TECPR2: variants seen among roughly 807,000 people sequenced by gnomAD.
TECPR2 encodes the protein tectonin beta-propeller repeat-containing protein 2.
Under a neutral mutation model 138.1 loss-of-function variants are expected in TECPR2, and 65 were observed. The ratio of observed to expected loss-of-function variants is 0.47; its 90% CI spans 0.39 to 0.58. The LOEUF is 0.58. TECPR2 is among the 20% of genes least tolerant of loss of function. The probability of loss-of-function intolerance (pLI) is 0.00; values close to 1 mark genes in which losing one functional copy is unlikely to be tolerated. For synonymous variants in TECPR2, 746 were observed against 749.8 expected (o/e 0.99, Z 0.08); for missense variants, 1,553 against 1,824.5 (o/e 0.85, Z 2.71).
chr14:102,444,337 T>G (rs1483118472), intron 12 of TECPR2, among the ~76,000 whole-genome samples: 1 of 151,874 alleles, frequency 6.6e-6, no homozygotes, highest in South Asian at 2.1e-4. Context: ...GGACTACAGA[T>G]GCATGCCACC....
At chr14:102,497,830 A>C in intron 19 of TECPR2, 111 bp downstream of exon 19, 8 of 1,355,368 alleles carry the variant, frequency 5.9e-6, no homozygotes, top group African/African-American at 1.5e-5. Flanking sequence ...CAATCTCTCA[A>C]AGCAAGAACT....
At chr14:102,444,420 G>A (rs1371321090) in intron 12 of TECPR2, among the ~76,000 whole-genome samples, 1 of 151,790 alleles carries the variant, frequency 6.6e-6, no homozygotes, top group Non-Finnish European at 1.5e-5. Flanking sequence ...GACTCATCTC[G>A]AACTCTTGGG....
intron 18 of TECPR2, 106 bp from the exon 19 acceptor site, chr14:102,497,464 C>G: frequency 7.3e-7 from 1 of 1,372,818 alleles, no homozygotes; most frequent in Non-Finnish European, 9.5e-7. Flanking sequence ...ACTCCGTCCC[C>G]GCAGGGACCC....
At chr14:102,450,830 C>G (rs1890121401) in intron 15 of TECPR2, among the ~76,000 whole-genome samples, 181 bp downstream of exon 15, 1 of 152,156 alleles carries the variant, frequency 6.6e-6, no homozygotes, top group Non-Finnish European at 1.5e-5. Flanking sequence ...TCGGGATAGG[C>G]CTGACCAGGA....
At chr14:102,494,841 A>G (rs1432473906) in intron 17 of TECPR2, among the ~76,000 whole-genome samples, 1 of 151,410 alleles carries the variant, frequency 6.6e-6, no homozygotes, top group Non-Finnish European at 1.5e-5. Context: ...AAAAAAAAAA[A>G]ACTAAACTAG....
chr14:102,479,875 T>C (rs1890848347), intron 17 of TECPR2, among the ~76,000 whole-genome samples: 1 of 152,242 alleles, frequency 6.6e-6, no homozygotes, highest in South Asian at 2.1e-4. Context: ...ATTGGGCAGA[T>C]GGCATGTGGC....
rs1889820460 is a variant in TECPR2, at chr14:102,441,195, C to T, written c.2752+586C>T. Among the ~76,000 whole-genome samples, 3 of 152,258 alleles carry T rather than the reference C, an allele frequency of 2.0e-5. No homozygotes were observed. In the South Asian group the frequency reaches 6.2e-4, roughly 32 times the overall value. On this transcript the variant is annotated intron_variant, in intron 11 of 19. Coordinates refer to ENST00000359520, the MANE Select transcript of TECPR2 (RefSeq NM_014844.5). ...TCCTCCTGCCTCAGCTTCCTGATCA[C>T]AGGCTGGGATTACAGGTGCCCATCA...
In TECPR2 at chr14:102,419,230, G is replaced by A. The variant is rs1486006073; in HGVS notation, c.638+4437G>A. Among the ~76,000 whole-genome samples the A allele has an allele frequency of 5.3e-5, 8 of 152,092 alleles. No homozygotes were observed. Among genetic ancestry groups the A allele is most frequent in the Non-Finnish European group, 1.0e-4 (7 of 68,032 alleles). ...CGAGACCGGGGGCTGAGGCAGCTTCGACGGGCCTGAGTCTGTAGCATGGAG... is the reference window on the plus strand; with the variant it reads ...CGAGACCGGGGGCTGAGGCAGCTTCAACGGGCCTGAGTCTGTAGCATGGAG... On this transcript the variant is annotated intron_variant, in intron 5 of 19. Coordinates refer to ENST00000359520, the MANE Select transcript of TECPR2 (RefSeq NM_014844.5). This position sits in a 1 kb window ranked among gnomAD's most constrained non-coding sequence, Gnocchi z 4.8.
chr14:102,382,400 G>A (rs1020986346), intron 2 of TECPR2, among the ~76,000 whole-genome samples: 3 of 152,214 alleles, frequency 2.0e-5, no homozygotes, highest in East Asian at 1.9e-4. Flanking sequence ...TAACAGATTC[G>A]TATATGTCCC....
intron 17 of TECPR2, among the ~76,000 whole-genome samples, chr14:102,476,528 A>G (rs908626767): frequency 3.9e-5 from 6 of 152,224 alleles, no homozygotes; most frequent in Non-Finnish European, 7.3e-5. Flanking sequence ...CAGCAGTGAA[A>G]AACCATCCAC....
Position 102,414,653 on chromosome 14 carries a change from G to A in TECPR2, c.498G>A (p.Gln166=). ...LDLDQGLCNS[Q]LVLEEPSSIV... ...TCTGCCAGGGGCTCTGTAACTCCCA[G>A]CTGGTGTTGGAGGAGCCATCTTCCA... Residue 166 remains glutamine, a synonymous_variant, in exon 5 of 20, where the codon CAG becomes CAA. Transcript: ENST00000359520. 6.2e-7 allele frequency: 1 copy of A among 1,614,232 alleles called. No homozygotes were observed. Among genetic ancestry groups the A allele is most frequent in the Non-Finnish European group, 8.5e-7 (1 of 1,180,044 alleles).
rs750403022 is a variant in TECPR2, at chr14:102,498,848, C to T, written c.*591C>T. 5.8e-5 allele frequency: 37 copies of T among 633,274 alleles called. No individual in the cohort carries two copies. Among genetic ancestry groups the T allele is most frequent in the African/African-American group, 1.3e-4 (7 of 55,980 alleles). The allele number at this position is 633,274 out of a possible 1,614,324, so 39.2% of individuals were successfully genotyped here. ...GCTGGCCATGCCAGGAGAGAACCCA[C>T]GCACATGCACACCACAACACACAAC... On this transcript the variant is annotated 3_prime_UTR_variant, in exon 20 of 20. Transcript: ENST00000359520.
intron 16 of TECPR2, among the ~76,000 whole-genome samples, chr14:102,455,873 A>G (rs1322308745): frequency 6.6e-6 from 1 of 152,172 alleles, no homozygotes; most frequent in African/African-American, 2.4e-5. Flanking sequence ...TCCGCCTCCC[A>G]AAGTGCTGGG....
chr14:102,459,433 G>A (rs966300586), intron 16 of TECPR2, among the ~76,000 whole-genome samples: 5 of 152,110 alleles, frequency 3.3e-5, no homozygotes, highest in Non-Finnish European at 5.9e-5. Flanking sequence ...CTCATCTCTT[G>A]CTCTAAGTTG....
chr14:102,493,239 G>T (rs1281544185), intron 17 of TECPR2, among the ~76,000 whole-genome samples: 1 of 152,240 alleles, frequency 6.6e-6, no homozygotes, highest in Non-Finnish European at 1.5e-5. Flanking sequence ...GTGTGTGGGG[G>T]AGTCCTGGCT....
intron 17 of TECPR2, among the ~76,000 whole-genome samples, chr14:102,492,152 G>A (rs916773842): frequency 1.3e-5 from 2 of 152,146 alleles, no homozygotes; most frequent in Non-Finnish European, 1.5e-5. Context: ...TGTGCTTTTC[G>A]TCAGACTGTG....
At chr14:102,448,755 T>C (rs1052746488) in intron 13 of TECPR2, among the ~76,000 whole-genome samples, 2 of 151,912 alleles carry the variant, frequency 1.3e-5, no homozygotes, top group Non-Finnish European at 2.9e-5. Context: ...TAGTCCCAGC[T>C]ACTCGGGAGG....
At chr14:102,431,423 A>T (rs1763838933) in intron 7 of TECPR2, among the ~76,000 whole-genome samples, 1 of 150,032 alleles carries the variant, frequency 6.7e-6, no homozygotes, top group Non-Finnish European at 1.5e-5. Flanking sequence ...GCTCACTGCA[A>T]GCTTTGCCTC....
chr14:102,454,214 C>T (rs1410549799), intron 16 of TECPR2, among the ~76,000 whole-genome samples: 2 of 152,064 alleles, frequency 1.3e-5, no homozygotes, highest in Non-Finnish European at 2.9e-5. Flanking sequence ...CTCCCCAAGC[C>T]CCTGGCTGCA....
Sources: gnomAD v4.1 joint callset for allele counts (sites outside exome capture counted in the v4.1 genomes callset) on GRCh38, gnomAD v4.1.1 for gene constraint, Gnocchi (gnomAD v3.1) non-coding constraint, MANE v1.5 for transcripts, NCBI Gene and HGNC (gene_info 2026-07-23, HGNC 2026-07-21) for gene names.